Variants in MARCHF1 observed in about 807,000 individuals in gnomAD.
MARCHF1 encodes membrane associated ring-CH-type finger 1.
A neutral mutation model predicts 54.2 loss-of-function variants in MARCHF1; 40 were observed. The observed-to-expected ratio is 0.74, with a 90% confidence interval of 0.57 to 0.96. MARCHF1 has a LOEUF of 0.96. Ranked by LOEUF, MARCHF1 falls within the 40% of genes least tolerant of loss-of-function variation. The pLI is 0.00. For missense variants in MARCHF1, 586 were observed against 656.5 expected (o/e 0.89, Z 1.17); for synonymous variants, 236 against 236.3 (o/e 1.00, Z 0.01).
chr4:164,182,790 T>G (rs1730868094), intron 1 of MARCHF1, among the ~76,000 whole-genome samples: 1 of 152,048 alleles, frequency 6.6e-6, no homozygotes. Flanking sequence ...TTGATATTCT[T>G]TATACTTTTC....
intron 3 of MARCHF1, among the ~76,000 whole-genome samples, chr4:163,973,874 A>T (rs1304430884): frequency 1.3e-5 from 2 of 152,226 alleles, no homozygotes; most frequent in African/African-American, 4.8e-5. Flanking sequence ...AACTAATTTA[A>T]TGAAGTGAAT....
At chr4:164,017,550 C>T (rs1431875059) in intron 2 of MARCHF1, among the ~76,000 whole-genome samples, 4 of 151,560 alleles carry the variant, frequency 2.6e-5, no homozygotes, top group African/African-American at 9.7e-5. Flanking sequence ...TATAATTTTC[C>T]AAAACACCAT....
intron 1 of MARCHF1, among the ~76,000 whole-genome samples, chr4:164,144,408 C>A (rs1393040009): frequency 6.6e-6 from 1 of 150,400 alleles, no homozygotes; most frequent in South Asian, 2.1e-4. Flanking sequence ...CAAAATTGAC[C>A]ACATACTTGG....
chr4:163,865,964 C>G (rs1229924298), intron 3 of MARCHF1, among the ~76,000 whole-genome samples: 1 of 151,392 alleles, frequency 6.6e-6, no homozygotes, highest in Non-Finnish European at 1.5e-5. Context: ...TTTCCTTTCC[C>G]ATAGTAACAG....
intron 3 of MARCHF1, among the ~76,000 whole-genome samples, chr4:163,920,091 G>A (rs1013428789): frequency 6.6e-5 from 8 of 120,458 alleles, no homozygotes; most frequent in African/African-American, 1.5e-4. Context: ...AGGTAACCAC[G>A]TGTAAATGTC....
chr4:164,140,559 A>T (rs1756507468), intron 1 of MARCHF1, among the ~76,000 whole-genome samples: 1 of 152,096 alleles, frequency 6.6e-6, no homozygotes, highest in African/African-American at 2.4e-5. Flanking sequence ...CTCTGCATGT[A>T]GGTATATTTC....
In MARCHF1 at chr4:163,634,769, T is replaced by C. The variant is rs1022351299; in HGVS notation, c.163-21376A>G. 1.4e-4 allele frequency among the ~76,000 whole-genome samples: 20 copies of C among 143,372 alleles called. No individual in the cohort carries two copies. In the East Asian group the frequency reaches 3.0e-3, roughly 21 times the overall value. 94.1% of individuals were successfully genotyped at this position (143,372 alleles called of 152,430 possible). A position where few individuals can be genotyped will look rare whatever the true frequency, so the allele number is the denominator to read the frequency against. ...GACCTAATAGACATCTACAGAAGTC[T>C]CCACCCCAAATCAACAGAATATACA... On this transcript the variant is annotated intron_variant, in intron 5 of 9. Coordinates refer to ENST00000514618, the MANE Select transcript of MARCHF1 (RefSeq NM_001394959.1).
intron 4 of MARCHF1, among the ~76,000 whole-genome samples, chr4:163,713,841 A>G (rs1232517230): frequency 6.6e-6 from 1 of 152,210 alleles, no homozygotes; most frequent in Non-Finnish European, 1.5e-5. Flanking sequence ...CAAAGCCTCA[A>G]TGAACCTTGG....
intron 5 of MARCHF1, among the ~76,000 whole-genome samples, chr4:163,694,587 G>A (rs1579202170): frequency 1.3e-5 from 2 of 152,034 alleles, no homozygotes; most frequent in Non-Finnish European, 2.9e-5. Flanking sequence ...TGGATGTCTT[G>A]TCCTAGGAAT....
At chr4:163,687,308 A>C (rs1399756333) in intron 5 of MARCHF1, among the ~76,000 whole-genome samples, 1 of 151,644 alleles carries the variant, frequency 6.6e-6, no homozygotes, top group Non-Finnish European at 1.5e-5. Context: ...GCTCACTGCA[A>C]ACTCCACCTC....
At chr4:163,805,652 A>T (rs1280232515) in intron 4 of MARCHF1, among the ~76,000 whole-genome samples, 2 of 152,158 alleles carry the variant, frequency 1.3e-5, no homozygotes, top group African/African-American at 4.8e-5. Flanking sequence ...TTATGCTCCA[A>T]ATTTTCCTTA....
chr4:164,153,833 A>T (rs1730007331), intron 1 of MARCHF1, among the ~76,000 whole-genome samples: 1 of 152,210 alleles, frequency 6.6e-6, no homozygotes, highest in Non-Finnish European at 1.5e-5. Context: ...AACAACATGT[A>T]TGATATATAC....
intron 3 of MARCHF1, among the ~76,000 whole-genome samples, chr4:163,889,881 G>T (rs561326019): frequency 1.4e-5 from 2 of 147,082 alleles, no homozygotes. Flanking sequence ...AATAATAAAT[G>T]CACATACTAT....
intron 1 of MARCHF1, among the ~76,000 whole-genome samples, chr4:164,122,191 C>T (rs952552633): frequency 2.6e-5 from 4 of 152,066 alleles, no homozygotes; most frequent in Non-Finnish European, 5.9e-5. Context: ...AAGGAACATG[C>T]CTCAACATAA....
intron 3 of MARCHF1, among the ~76,000 whole-genome samples, chr4:163,941,810 C>T (rs900518938): frequency 1.3e-5 from 2 of 152,032 alleles, no homozygotes; most frequent in Admixed American, 1.3e-4. Flanking sequence ...GTACTTAAAA[C>T]GGCATATAGT....
chr4:164,189,987 A>G, intron 1 of MARCHF1: 2 of 1,491,480 alleles, frequency 1.3e-6, no homozygotes, highest in South Asian at 1.1e-5. Flanking sequence ...TGAAGAAATC[A>G]AAAGGATGGT....
At chr4:163,792,043 C>A (rs575273319) in intron 4 of MARCHF1, among the ~76,000 whole-genome samples, 2 of 152,262 alleles carry the variant, frequency 1.3e-5, no homozygotes, top group East Asian at 3.9e-4. Flanking sequence ...ATAATGTCAC[C>A]ATTTTTGTAA....
chr4:164,325,627 G>C (rs928187555), intron 1 of MARCHF1, among the ~76,000 whole-genome samples: 15 of 152,100 alleles, frequency 9.9e-5, no homozygotes, highest in Non-Finnish European at 4.4e-5. Flanking sequence ...GATTCGAGAG[G>C]CTGAGGCAGG....
chr4:164,150,406 G>T (rs1372387357), intron 1 of MARCHF1, among the ~76,000 whole-genome samples: 1 of 152,164 alleles, frequency 6.6e-6, no homozygotes, highest in African/African-American at 2.4e-5. Flanking sequence ...TGAGACTTGT[G>T]TGTCTGCAAA....
Sources: allele counts gnomAD v4.1 joint callset (sites outside exome capture counted in the v4.1 genomes callset), GRCh38; gene constraint gnomAD v4.1.1; transcripts MANE v1.5; gene names NCBI Gene and HGNC (gene_info 2026-07-23, HGNC 2026-07-21).